Variants in CYYR1 observed in about 807,000 individuals in gnomAD.
CYYR1 encodes the protein cysteine and tyrosine rich 1.
CYYR1 carries 14 observed loss-of-function variants against 15.2 expected under a neutral mutation model. That is an observed-to-expected ratio of 0.92 (90% CI 0.61 to 1.44). The LOEUF is 1.44. CYYR1 is among the 40% of genes most tolerant of loss of function. CYYR1 has a pLI of 0.00. For synonymous variants in CYYR1, 80 were observed against 77.4 expected, an observed-to-expected ratio of 1.03 and a Z score of -0.18; for missense variants, 228 against 209.5, an observed-to-expected ratio of 1.09 and a Z score of -0.54.
intron 2 of CYYR1, among the ~76,000 whole-genome samples, chr21:26,488,260 C>CCTTT (rs1811523319): frequency 6.6e-6 from 1 of 151,378 alleles, no homozygotes; most frequent in African/African-American, 2.4e-5. Flanking sequence ...TTCCTTCCTT[C>CCTTT]CTTCCTTCCT....
At chr21:26,496,450 T>A (rs1341522266) in intron 2 of CYYR1, among the ~76,000 whole-genome samples, 1 of 152,236 alleles carries the variant, frequency 6.6e-6, no homozygotes, top group Non-Finnish European at 1.5e-5. Flanking sequence ...GAAATGCTGT[T>A]AATGAATATT....
chr21:26,479,537 T>G (rs1489273384), intron 3 of CYYR1, among the ~76,000 whole-genome samples: 2 of 152,216 alleles, frequency 1.3e-5, no homozygotes, highest in African/African-American at 4.8e-5. Flanking sequence ...ATTGAAATCC[T>G]CTAATGCAAA....
chr21:26,570,944 A>G (rs1569183115), intron 1 of CYYR1, among the ~76,000 whole-genome samples: 1 of 152,208 alleles, frequency 6.6e-6, no homozygotes. Flanking sequence ...GTCTTCTTCA[A>G]TTCAGTTTTC....
intron 2 of CYYR1, among the ~76,000 whole-genome samples, chr21:26,491,828 C>T (rs1274747753): frequency 1.3e-5 from 2 of 152,156 alleles, no homozygotes; most frequent in East Asian, 3.9e-4. Context: ...CCACTGTGAT[C>T]CTTTGCCTGG....
chr21:26,490,620 C>A (rs1014426109), intron 2 of CYYR1, among the ~76,000 whole-genome samples: 1 of 152,128 alleles, frequency 6.6e-6, no homozygotes, highest in Non-Finnish European at 1.5e-5. Context: ...ATTTTTGAAT[C>A]AGAGAGTACT....
At chr21:26,479,725 T>A (rs1400732418) in intron 3 of CYYR1, among the ~76,000 whole-genome samples, 1 of 151,950 alleles carries the variant, frequency 6.6e-6, no homozygotes, top group African/African-American at 2.4e-5. Context: ...TTGGCCAGGC[T>A]AGTCATGAAC....
At chr21:26,526,041 A>G (rs954601420) in intron 2 of CYYR1, among the ~76,000 whole-genome samples, 1 of 152,132 alleles carries the variant, frequency 6.6e-6, no homozygotes, top group African/African-American at 2.4e-5. Flanking sequence ...GGGAGAGATC[A>G]GGAAAAATAA....
chr21:26,555,038 A>G (rs1248915090), intron 2 of CYYR1, among the ~76,000 whole-genome samples: 1 of 152,168 alleles, frequency 6.6e-6, no homozygotes, highest in African/African-American at 2.4e-5. Context: ...GAACAAACTG[A>G]GGCTCGGTGA....
Position 26,486,484 on chromosome 21 carries a change from T to G in CYYR1, c.177-6055A>C, listed in dbSNP as rs2065249283. ...GTTGAGGTTCATTATTACCAGATTA[T>G]TTTGCCTGTGGATAGCCAGCTACTT... On this transcript the variant is annotated intron_variant, in intron 2 of 3. Coordinates refer to ENST00000652641, the MANE Select transcript of CYYR1 (RefSeq NM_001320768.2). 2.0e-5 allele frequency among the ~76,000 whole-genome samples: 3 copies of G among 152,082 alleles called. No homozygotes were observed. The South Asian group carries it at 6.2e-4, about 31-fold the overall frequency.
intron 3 of CYYR1, among the ~76,000 whole-genome samples, chr21:26,472,612 G>C (rs1173970546): frequency 1.3e-5 from 2 of 151,818 alleles, no homozygotes; most frequent in East Asian, 3.9e-4. Context: ...TTTTGTTGTT[G>C]CTCTGGACTG....
At chr21:26,510,281 C>A (rs1241591054) in intron 2 of CYYR1, among the ~76,000 whole-genome samples, 1 of 152,136 alleles carries the variant, frequency 6.6e-6, no homozygotes, top group Non-Finnish European at 1.5e-5. Flanking sequence ...TCCTATTTTA[C>A]ATCAATATTT....
chr21:26,469,924 G>A (rs28593622), intron 3 of CYYR1, among the ~76,000 whole-genome samples: 5 of 152,000 alleles, frequency 3.3e-5, no homozygotes, highest in South Asian at 2.1e-4. Context: ...ATTTATCCAC[G>A]TTTCCAAGAA....
At chr21:26,524,730 C>G (rs1186347948) in intron 2 of CYYR1, among the ~76,000 whole-genome samples, 1 of 152,172 alleles carries the variant, frequency 6.6e-6, no homozygotes, top group Non-Finnish European at 1.5e-5. Flanking sequence ...TAGCAAATAA[C>G]CATGTACCCA....
At chr21:26,535,719 G>A (rs976453259) in intron 2 of CYYR1, among the ~76,000 whole-genome samples, 1 of 152,118 alleles carries the variant, frequency 6.6e-6, no homozygotes, top group Non-Finnish European at 1.5e-5. Flanking sequence ...CTGCCACAGT[G>A]AGTCGGTGGC....
intron 1 of CYYR1, among the ~76,000 whole-genome samples, chr21:26,566,607 T>C (rs1226974031): frequency 6.6e-6 from 1 of 152,164 alleles, no homozygotes. Flanking sequence ...GCACCATAAT[T>C]ACCAGTCAGG....
intron 3 of CYYR1, chr21:26,478,061 A>AG (rs1387414694): frequency 6.5e-7 from 1 of 1,549,178 alleles, no homozygotes. Flanking sequence ...ATTATGTACC[A>AG]GGCCTGGTCT....
At chr21:26,481,865 A>G (rs1257032067) in intron 2 of CYYR1, among the ~76,000 whole-genome samples, 2 of 152,020 alleles carry the variant, frequency 1.3e-5, no homozygotes, top group Non-Finnish European at 2.9e-5. Context: ...ACAGGATACT[A>G]CCAGTAATAA....
intron 3 of CYYR1, among the ~76,000 whole-genome samples, chr21:26,472,300 A>C (rs1360951074): frequency 6.6e-6 from 1 of 152,146 alleles, no homozygotes; most frequent in African/African-American, 2.4e-5. Context: ...TAATTAATGT[A>C]ATGATGAATA....
intron 2 of CYYR1, among the ~76,000 whole-genome samples, chr21:26,564,309 CA>C (rs759329461): frequency 1.3e-5 from 2 of 152,174 alleles, no homozygotes; most frequent in Non-Finnish European, 2.9e-5. Flanking sequence ...CCACCACTGC[CA>C]CCTTTCTTTT....
Sources: allele counts gnomAD v4.1 joint callset (sites outside exome capture counted in the v4.1 genomes callset), GRCh38; gene constraint gnomAD v4.1.1; transcripts MANE v1.5; gene names NCBI Gene and HGNC (gene_info 2026-07-23, HGNC 2026-07-21).